Variants in PCDHA7 observed in about 807,000 individuals in gnomAD.
PCDHA7 encodes the protein protocadherin alpha-7.
In PCDHA7, 37 loss-of-function variants were observed where a neutral mutation model predicts 57.2. The ratio of observed to expected loss-of-function variants is 0.65; its 90% CI spans 0.50 to 0.85. PCDHA7 has a LOEUF of 0.85. Ranked by LOEUF, PCDHA7 falls within the 40% of genes least tolerant of loss-of-function variation. PCDHA7 has a pLI of 0.00. For missense variants in PCDHA7, 1,188 were observed against 1,241.8 expected, an observed-to-expected ratio of 0.96 and a Z score of 0.65; for synonymous variants, 553 against 558.8, an observed-to-expected ratio of 0.99 and a Z score of 0.15.
chr5:141,004,369 C>A (rs1239142670), intron 3 of PCDHA7, among the ~76,000 whole-genome samples: 1 of 152,206 alleles, frequency 6.6e-6, no homozygotes, highest in Non-Finnish European at 1.5e-5. Flanking sequence ...ACACCTTGTT[C>A]TGCTCTGCGG....
Position 140,859,254 on chromosome 5 carries a change from G to T in PCDHA7, c.2355+22516G>T, listed in dbSNP as rs1005222858. 2 of 131,816 alleles carry T rather than the reference G, an allele frequency of 1.5e-5. 1 individual carries two copies. The allele number at this position is 131,816 out of a possible 1,614,324, so 8.2% of individuals were successfully genotyped here. ...AGTCATGCTTATGTTTAATAATGAA[G>T]AGAATTTGAACACTTTTTACTTTTG... On this transcript the variant is annotated intron_variant, in intron 1 of 3. Transcript: ENST00000525929.
At chr5:140,941,644 C>T (rs1157047813) in intron 1 of PCDHA7, among the ~76,000 whole-genome samples, 2 of 152,034 alleles carry the variant, frequency 1.3e-5, no homozygotes, top group African/African-American at 4.8e-5. Flanking sequence ...TGTCTTCCTA[C>T]AACTTATGTC....
chr5:140,923,489 A>C (rs549066009), intron 1 of PCDHA7, among the ~76,000 whole-genome samples: 2 of 152,182 alleles, frequency 1.3e-5, no homozygotes, highest in Non-Finnish European at 2.9e-5. Flanking sequence ...TCTTCACACC[A>C]CTGCACTCCA....
At chr5:140,947,238 A>G (rs1252869330) in intron 1 of PCDHA7, among the ~76,000 whole-genome samples, 2 of 151,618 alleles carry the variant, frequency 1.3e-5, no homozygotes, top group Non-Finnish European at 3.0e-5. Flanking sequence ...GGAAAAAAAA[A>G]TAAGATAATC....
intron 3 of PCDHA7, among the ~76,000 whole-genome samples, chr5:141,004,757 A>T (rs964370551): frequency 3.9e-5 from 6 of 152,164 alleles, no homozygotes; most frequent in African/African-American, 1.4e-4. Flanking sequence ...TCTCTTAGAG[A>T]CAGGACCTGT....
intron 1 of PCDHA7, chr5:140,841,828 C>A: frequency 6.2e-7 from 1 of 1,613,892 alleles, no homozygotes; most frequent in Middle Eastern, 1.6e-4. Context: ...CCGTGTTAAC[C>A]TACAGGCTTA....
At chr5:140,882,864 C>G in intron 1 of PCDHA7, 2 of 1,614,200 alleles carry the variant, frequency 1.2e-6, no homozygotes, top group Non-Finnish European at 8.5e-7. Context: ...CTGAGGAAAA[C>G]ACTGGACAGA....
At chr5:140,869,695 A>G (rs2051335232) in intron 1 of PCDHA7, 1 of 1,613,342 alleles carries the variant, frequency 6.2e-7, no homozygotes, top group African/African-American at 1.3e-5. Context: ...TATTTTAAAG[A>G]AGTCTCTGGA....
At chr5:140,861,135 G>A (rs1182257816) in intron 1 of PCDHA7, 1 of 153,800 alleles carries the variant, frequency 6.5e-6, no homozygotes, top group East Asian at 1.9e-4. Context: ...AGACCACTTG[G>A]AACCTCAGGA....
At chr5:140,850,349 G>C (rs1554144220) in intron 1 of PCDHA7, 1 of 1,597,844 alleles carries the variant, frequency 6.3e-7, no homozygotes, top group South Asian at 1.1e-5. Flanking sequence ...CGGCCAGCGC[G>C]AGCATCCCGT....
rs782118774 is a variant in PCDHA7 at position 140,929,021 on chromosome 5, G to A, written c.2356-49928G>A. ...TTCGTGTGTACCAAGTTGCACCAGAGCCCAGGCTGTTGCGCTCAGAGCTGC... is the reference window on the plus strand; with the variant it reads ...TTCGTGTGTACCAAGTTGCACCAGAACCCAGGCTGTTGCGCTCAGAGCTGC... On this transcript the variant is annotated intron_variant, in intron 1 of 3. Coordinates refer to ENST00000525929, the MANE Select transcript of PCDHA7 (RefSeq NM_018910.3). 5 of 1,614,072 alleles carry A rather than the reference G, an allele frequency of 3.1e-6. No homozygotes were observed. In the African/African-American group the frequency reaches 6.7e-5, roughly 22 times the overall value.
intron 1 of PCDHA7, chr5:140,869,583 T>G: frequency 6.2e-7 from 1 of 1,614,152 alleles, no homozygotes; most frequent in Non-Finnish European, 8.5e-7. Flanking sequence ...CTTCTGATGC[T>G]GACATTGAAG....
intron 3 of PCDHA7, among the ~76,000 whole-genome samples, chr5:140,996,144 T>C (rs2097714056): frequency 6.6e-6 from 1 of 152,210 alleles, no homozygotes; most frequent in African/African-American, 2.4e-5. Context: ...TCCCATTATC[T>C]TGCCTTCCTT....
At chr5:140,945,440 T>C (rs932464631) in intron 1 of PCDHA7, among the ~76,000 whole-genome samples, 1 of 151,948 alleles carries the variant, frequency 6.6e-6, no homozygotes, top group African/African-American at 2.4e-5. Context: ...TACAGAAATA[T>C]AAAAAACTTC....
At chr5:140,949,171 C>T (rs1554218845) in intron 1 of PCDHA7, among the ~76,000 whole-genome samples, 1 of 151,632 alleles carries the variant, frequency 6.6e-6, no homozygotes, top group Non-Finnish European at 1.5e-5. Flanking sequence ...CTCTTTTGGT[C>T]AGAGAACATA....
At chr5:140,964,844 A>G (rs2095857701) in intron 1 of PCDHA7, among the ~76,000 whole-genome samples, 1 of 152,160 alleles carries the variant, frequency 6.6e-6, no homozygotes, top group Admixed American at 6.5e-5. Flanking sequence ...CCTACTCTGT[A>G]CCCTTGAGGA....
rs2098420803 is a variant in PCDHA7, at chr5:141,011,492, A to G, written c.*1555A>G. 1 of 153,698 alleles carries G rather than the reference A, an allele frequency of 6.5e-6. No individual in the cohort carries two copies. Among genetic ancestry groups the G allele is most frequent in the African/African-American group, 2.4e-5 (1 of 41,432 alleles). 9.5% of individuals were successfully genotyped at this position (153,698 alleles called of 1,614,324 possible). A position where few individuals can be genotyped will look rare whatever the true frequency, so the allele number is the denominator to read the frequency against. On this transcript the variant is annotated 3_prime_UTR_variant, in exon 4 of 4. Transcript: ENST00000525929. ...AATTCCATTATATTTCCTTTTGTAC[A>G]CCTGTGAAAAAGTGGAGTAGTGTTT... is the stretch of plus-strand genomic sequence containing the variant.
At chr5:140,932,028 G>T (rs1299372751) in intron 1 of PCDHA7, among the ~76,000 whole-genome samples, 1 of 151,864 alleles carries the variant, frequency 6.6e-6, no homozygotes, top group African/African-American at 2.4e-5. Context: ...TAAGTTTACA[G>T]TATATATTAA....
In PCDHA7 at chr5:140,835,470, G is replaced by T; in HGVS notation, c.1087G>T (p.Ala363Ser). ...TSLSLPIPED[A>S]QPGTVITLIS... is the part of the protein sequence containing the mutation. ...CCTGTCTCTCCCTATTCCAGAGGAC[G>T]CCCAACCAGGTACCGTCATCACATT... Residue 363 changes from alanine (A) to serine (S), a missense_variant, in exon 1 of 4, where the codon GCC (alanine) becomes TCC (serine). Coordinates refer to ENST00000525929, the MANE Select transcript of PCDHA7 (RefSeq NM_018910.3). 1.2e-6 allele frequency: 2 copies of T among 1,613,868 alleles called. No homozygotes were observed. Among genetic ancestry groups the T allele is most frequent in the Non-Finnish European group, 1.7e-6 (2 of 1,179,858 alleles).
Sources: allele counts gnomAD v4.1 joint callset (sites outside exome capture counted in the v4.1 genomes callset), GRCh38; gene constraint gnomAD v4.1.1; transcripts MANE v1.5; gene names NCBI Gene and HGNC (gene_info 2026-07-23, HGNC 2026-07-21).